The following NAALADL2 variants were observed in gnomAD, a reference collection of about 807,000 sequenced individuals.
NAALADL2 encodes the protein inactive N-acetylated-alpha-linked acidic dipeptidase-like protein 2.
In NAALADL2, 76 loss-of-function variants were observed where a neutral mutation model predicts 87.2. The ratio of observed to expected loss-of-function variants is 0.87; its 90% confidence interval spans 0.72 to 1.05. The LOEUF (loss-of-function observed/expected upper bound fraction) is 1.05, where lower values mean the gene tolerates loss of function less well. Ranked by LOEUF, NAALADL2 falls within the 50% of genes least tolerant of loss-of-function variation. The pLI, the probability that NAALADL2 is intolerant of heterozygous loss-of-function variation, is 0.00. For synonymous variants in NAALADL2, 354 were observed against 331.0 expected, an observed-to-expected ratio of 1.07 and a Z score of -0.75; for missense variants, 1,089 against 945.8, an observed-to-expected ratio of 1.15 and a Z score of -1.99.
Position 175,452,906 on chromosome 3 carries a change from G to A in NAALADL2, c.1234+5534G>A, listed in dbSNP as rs947478287. 3.3e-5 allele frequency among the ~76,000 whole-genome samples: 5 copies of A among 152,244 alleles called. No homozygotes were observed. The East Asian group carries it at 5.8e-4, about 18-fold the overall frequency. On this transcript the variant is annotated intron_variant, in intron 6 of 13. Transcript: ENST00000454872. ...GAGTCAATTCTCTGTTTCCTGGGGA[G>A]TGCAGGCTGGGCTTACCAAAGGTGA...
chr3:175,588,537 T>C (rs1480446029), intron 10 of NAALADL2, among the ~76,000 whole-genome samples: 1 of 119,620 alleles, frequency 8.4e-6, no homozygotes, highest in African/African-American at 4.0e-5. Context: ...TTCTTTTCTT[T>C]TTTTTTTTTT....
intron 3 of NAALADL2, among the ~76,000 whole-genome samples, chr3:175,249,699 T>G (rs976387801): frequency 3.3e-5 from 5 of 152,172 alleles, no homozygotes; most frequent in South Asian, 2.1e-4. Flanking sequence ...AGTGAGAACT[T>G]TAGGGTAACT....
At chr3:174,908,263 A>C (rs1733227065) in intron 1 of NAALADL2, among the ~76,000 whole-genome samples, 1 of 152,024 alleles carries the variant, frequency 6.6e-6, no homozygotes. Context: ...GTTTAAATAA[A>C]TTTCACCATG....
At chr3:175,746,595 A>G (rs1252898613) in intron 12 of NAALADL2, among the ~76,000 whole-genome samples, 1 of 152,140 alleles carries the variant, frequency 6.6e-6, no homozygotes, top group Non-Finnish European at 1.5e-5. Flanking sequence ...GACAGTTCCA[A>G]TAAAAGATTT....
chr3:175,466,829 C>G (rs1724105643), intron 7 of NAALADL2, 150 bp from the exon 8 acceptor site: 3 of 653,096 alleles, frequency 4.6e-6, no homozygotes, highest in Non-Finnish European at 8.0e-6. Context: ...TGAATTAAGA[C>G]AGTGAGCAAA....
chr3:174,749,600 G>A lies in NAALADL2; in HGVS notation c.-9+11854G>A, dbSNP rs117606975. On this transcript the variant is annotated intron_variant, in intron 3 of 3. Coordinates refer to the NAALADL2 transcript ENST00000434257. ...TGCTTTTAGCCTCCATACTTGGGCT[G>A]TCATATGGGTTTTGTACTTTTCCCT... Among the ~76,000 whole-genome samples, 136 of 152,058 alleles carry A rather than the reference G, an allele frequency of 8.9e-4. 3 individuals carry two copies. In the East Asian group the frequency reaches 0.02, roughly 22 times the overall value.
At position 175,088,139 on chromosome 3, in the gene NAALADL2, C is replaced by T. The variant is rs1025062189; in HGVS notation, c.44-8651C>T. 2.4e-4 allele frequency among the ~76,000 whole-genome samples: 36 copies of T among 152,028 alleles called. 1 individual carries two copies. The highest frequency in any genetic ancestry group is 2.4e-3 in the Admixed American group (36 of 15,268). On this transcript the variant is annotated intron_variant, in intron 1 of 13. Coordinates refer to ENST00000454872, the MANE Select transcript of NAALADL2 (RefSeq NM_207015.3). ...CCATGCAGTTAATCTAGAACTGAAT[C>T]GTATAATGGTAGTATTTTGGGTTAA...
intron 3 of NAALADL2, among the ~76,000 whole-genome samples, chr3:174,790,738 AT>A (rs1389459469): frequency 1.3e-5 from 2 of 152,176 alleles, no homozygotes; most frequent in Non-Finnish European, 1.5e-5. Flanking sequence ...GTGTAGAAAA[AT>A]AATAAGTTGT....
At chr3:174,958,025 T>C (rs569900589) in intron 1 of NAALADL2, among the ~76,000 whole-genome samples, 1 of 151,878 alleles carries the variant, frequency 6.6e-6, no homozygotes, top group Non-Finnish European at 1.5e-5. Flanking sequence ...CACATACTCA[T>C]CCTATGCATC....
chr3:175,578,363 G>T (rs980155820), intron 10 of NAALADL2, among the ~76,000 whole-genome samples: 1 of 152,028 alleles, frequency 6.6e-6, no homozygotes, highest in African/African-American at 2.4e-5. Context: ...AGCCCTGGAG[G>T]GGGAGGTTGC....
intron 3 of NAALADL2, among the ~76,000 whole-genome samples, chr3:174,840,951 G>C (rs534293246): frequency 1.3e-5 from 2 of 151,884 alleles, no homozygotes; most frequent in South Asian, 4.2e-4. Context: ...ATTCACAGTA[G>C]AAAGTAGTGC....
intron 1 of NAALADL2, among the ~76,000 whole-genome samples, chr3:175,035,783 C>T (rs76580447): frequency 1.3e-5 from 2 of 152,052 alleles, no homozygotes; most frequent in African/African-American, 4.8e-5. Flanking sequence ...AAAATATGTT[C>T]TCCAGACCTC....
At chr3:175,799,911 G>A (rs1437253919) in intron 13 of NAALADL2, among the ~76,000 whole-genome samples, 1 of 152,088 alleles carries the variant, frequency 6.6e-6, no homozygotes, top group Non-Finnish European at 1.5e-5. Flanking sequence ...GAATAGCAAA[G>A]GGAAAATGTC....
chr3:175,350,385 GT>G (rs1283791702), intron 5 of NAALADL2, among the ~76,000 whole-genome samples: 5 of 152,146 alleles, frequency 3.3e-5, no homozygotes, highest in Non-Finnish European at 7.3e-5. Context: ...AATGAGAAGT[GT>G]AGGTAGAGAA....
intron 9 of NAALADL2, among the ~76,000 whole-genome samples, chr3:175,508,521 T>C (rs951975472): frequency 1.1e-4 from 16 of 152,200 alleles, no homozygotes; most frequent in Admixed American, 1.0e-3. Flanking sequence ...TCTCATTAAC[T>C]TGAACTTTAT....
intron 5 of NAALADL2, among the ~76,000 whole-genome samples, chr3:175,431,039 T>C (rs1022177698): frequency 6.6e-6 from 1 of 152,140 alleles, no homozygotes; most frequent in Non-Finnish European, 1.5e-5. Context: ...AGAAAATAGT[T>C]GATGTCTTTT....
intron 3 of NAALADL2, among the ~76,000 whole-genome samples, chr3:174,839,845 A>C (rs1020601003): frequency 6.6e-6 from 1 of 152,022 alleles, no homozygotes; most frequent in Non-Finnish European, 1.5e-5. Flanking sequence ...AAAATAATAA[A>C]AAAAAATAGT....
At chr3:175,300,749 A>G (rs1333317459) in intron 4 of NAALADL2, among the ~76,000 whole-genome samples, 1 of 143,584 alleles carries the variant, frequency 7.0e-6, no homozygotes, top group Admixed American at 6.9e-5. Context: ...GGATTTATTT[A>G]TTTATTTTTA....
chr3:175,176,861 C>A (rs2108957030), intron 2 of NAALADL2, among the ~76,000 whole-genome samples: 1 of 152,154 alleles, frequency 6.6e-6, no homozygotes, highest in African/African-American at 2.4e-5. Context: ...TTTAGCGCCA[C>A]AAAATCAGTG....
Sources: gnomAD v4.1 joint callset for allele counts (sites outside exome capture counted in the v4.1 genomes callset) on GRCh38, gnomAD v4.1.1 for gene constraint, MANE v1.5 for transcripts, NCBI Gene and HGNC (gene_info 2026-07-23, HGNC 2026-07-21) for gene names.